Variants in MAP2 observed in about 807,000 individuals in gnomAD.
MAP2 encodes microtubule associated protein 2, also known as microtubule-associated protein 2.
Under a neutral mutation model 137.6 loss-of-function variants are expected in MAP2, and 14 were observed. That is an observed-to-expected ratio of 0.10 (90% CI 0.07 to 0.16). The LOEUF (loss-of-function observed/expected upper bound fraction) is 0.16. Ranked by LOEUF, MAP2 falls within the 10% of genes least tolerant of loss-of-function variation. The pLI is 1.00. For missense variants in MAP2, 2,088 were observed against 2,191.5 expected (o/e 0.95, Z 0.94); for synonymous variants, 786 against 782.3 (o/e 1.00, Z -0.08).
intron 3 of MAP2, among the ~76,000 whole-genome samples, chr2:209,583,284 A>T (rs1259916532): frequency 1.3e-5 from 2 of 152,072 alleles, no homozygotes; most frequent in Admixed American, 1.3e-4. Context: ...TTTTATATTT[A>T]ACTTGAAGGA....
intron 11 of MAP2, chr2:209,704,553 G>C (rs145484446): frequency 3.0e-4 from 490 of 1,612,652 alleles, no homozygotes; most frequent in Non-Finnish European, 4.0e-4. Flanking sequence ...TTTTCTGACA[G>C]TTTATTAATA....
chr2:209,703,672 A>T (rs2062432994), intron 11 of MAP2, among the ~76,000 whole-genome samples: 3 of 152,098 alleles, frequency 2.0e-5, no homozygotes, highest in African/African-American at 7.2e-5. Context: ...ATTAAGGCTT[A>T]TTGTATTTTT....
chr2:209,590,072 G>A (rs887719983), intron 3 of MAP2, among the ~76,000 whole-genome samples: 2 of 152,024 alleles, frequency 1.3e-5, no homozygotes, highest in African/African-American at 2.4e-5. Context: ...GTCCACCAAG[G>A]CCATGCTCAG....
intron 3 of MAP2, among the ~76,000 whole-genome samples, chr2:209,595,679 T>A (rs1193244497): frequency 6.6e-6 from 1 of 152,202 alleles, no homozygotes; most frequent in Non-Finnish European, 1.5e-5. Context: ...TGCGGCCCTA[T>A]TCACGATAGC....
At chr2:209,643,477 A>C (rs1949041) in intron 4 of MAP2, among the ~76,000 whole-genome samples, 10,167 of 152,248 alleles carry the variant, frequency 0.067, 813 homozygotes, top group South Asian at 0.23. Flanking sequence ...ACAAATTCAG[A>C]GTTATCTACC....
Position 209,593,630 on chromosome 2 carries a change from A to T in MAP2, c.-107+13530A>T, listed in dbSNP as rs1480985129. On this transcript the variant is annotated intron_variant, in intron 3 of 15. Transcript: ENST00000682079. ...AGACCCTGTCTCTACAAAAAAAAAA[A>T]AAAAATATATATATATATATATATA... is the stretch of plus-strand genomic sequence containing the variant. 1.3e-4 allele frequency among the ~76,000 whole-genome samples: 8 copies of T among 63,236 alleles called. No homozygotes were observed. The East Asian group carries it at 2.5e-3, about 20-fold the overall frequency. 41.5% of individuals were successfully genotyped at this position (63,236 alleles called of 152,430 possible).
intron 1 of MAP2, among the ~76,000 whole-genome samples, chr2:209,425,078 G>A (rs1362420458): frequency 6.6e-6 from 1 of 151,886 alleles, no homozygotes; most frequent in Non-Finnish European, 1.5e-5. Flanking sequence ...GGGGGGCTAG[G>A]AGTGGGGAGC....
chr2:209,589,583 T>G (rs2078703020), intron 3 of MAP2, among the ~76,000 whole-genome samples: 1 of 152,192 alleles, frequency 6.6e-6, no homozygotes, highest in Admixed American at 6.5e-5. Context: ...TGGCATGGAT[T>G]TATGTAAATA....
intron 4 of MAP2, among the ~76,000 whole-genome samples, chr2:209,649,653 A>G (rs1166563301): frequency 6.6e-6 from 1 of 152,178 alleles, no homozygotes; most frequent in Non-Finnish European, 1.5e-5. Context: ...GAGCCATGCT[A>G]TTTTAGTTTG....
At chr2:209,666,836 C>G (rs1037754167) in intron 5 of MAP2, among the ~76,000 whole-genome samples, 1 of 151,670 alleles carries the variant, frequency 6.6e-6, no homozygotes, top group South Asian at 2.1e-4. Context: ...AAAAACTCCC[C>G]CAAATTATAC....
chr2:209,726,654 C>T (rs2074145603), intron 14 of MAP2, among the ~76,000 whole-genome samples: 1 of 152,134 alleles, frequency 6.6e-6, no homozygotes, highest in Admixed American at 6.6e-5. Context: ...GTCCTAGCTA[C>T]TTTGGAGGCT....
intron 11 of MAP2, chr2:209,704,618 A>C (rs2062826795): frequency 6.3e-7 from 1 of 1,597,014 alleles, no homozygotes; most frequent in Non-Finnish European, 8.5e-7. Flanking sequence ...ATCAGGGAAC[A>C]AGGTAAGGCG....
intron 11 of MAP2, 55 bp from the exon 12 acceptor site, chr2:209,705,525 C>A (rs1452435499): frequency 1.0e-5 from 15 of 1,456,236 alleles, no homozygotes; most frequent in African/African-American, 1.4e-5. Flanking sequence ...AATATCACTT[C>A]GTATAAATTA....
At position 209,694,684 on chromosome 2, in the gene MAP2, T is replaced by C; in HGVS notation, c.2514T>C (p.Thr838=). 6.2e-7 allele frequency: 1 copy of C among 1,614,108 alleles called. No individual in the cohort carries two copies. Among genetic ancestry groups the C allele is most frequent in the Non-Finnish European group, 8.5e-7 (1 of 1,180,008 alleles). Residue 838 remains threonine (T), a synonymous_variant, in exon 8 of 16, where the codon ACT becomes ACC. Transcript: ENST00000682079. ...VARRKSVPSE[T]VVEDSRTGLP... ...GGAGGAAATCAGTCCCATCAGAGAC[T>C]GTGGTTGAGGATAGTCGTACTGGCT...
intron 3 of MAP2, among the ~76,000 whole-genome samples, chr2:209,615,770 G>A (rs772533590): frequency 6.6e-6 from 1 of 152,166 alleles, no homozygotes; most frequent in Non-Finnish European, 1.5e-5. Flanking sequence ...GAGAACTTGT[G>A]TTCCTGTTTA....
intron 2 of MAP2, among the ~76,000 whole-genome samples, chr2:209,513,681 C>A (rs1307888975): frequency 6.6e-6 from 1 of 152,054 alleles, no homozygotes; most frequent in Non-Finnish European, 1.5e-5. Flanking sequence ...CTTTAAGATT[C>A]TTCCAGTGGG....
At chr2:209,448,573 G>C (rs1699622539) in intron 1 of MAP2, among the ~76,000 whole-genome samples, 1 of 152,218 alleles carries the variant, frequency 6.6e-6, no homozygotes, top group South Asian at 2.1e-4. Context: ...TAAGGTATTG[G>C]CAGGATGGTG....
At chr2:209,525,484 T>C (rs557591122) in intron 2 of MAP2, among the ~76,000 whole-genome samples, 1 of 152,324 alleles carries the variant, frequency 6.6e-6, no homozygotes, top group African/African-American at 2.4e-5. Context: ...CACGGAAGGC[T>C]AATCTGTTGG....
intron 2 of MAP2, among the ~76,000 whole-genome samples, chr2:209,516,544 G>A (rs79807412): frequency 0.023 from 3,488 of 152,112 alleles, 122 homozygotes; most frequent in African/African-American, 0.079. Context: ...AAAAAGGGAA[G>A]GGTTAAGGAA....
Sources: gnomAD v4.1 joint callset for allele counts (sites outside exome capture counted in the v4.1 genomes callset) on GRCh38, gnomAD v4.1.1 for gene constraint, MANE v1.5 for transcripts, NCBI Gene and HGNC (gene_info 2026-07-23, HGNC 2026-07-21) for gene names.